Variants in RPS24 observed in about 807,000 individuals in gnomAD.
RPS24 encodes the protein small ribosomal subunit protein eS24.
For missense variants in RPS24, 100 were observed against 162.5 expected, an observed-to-expected ratio of 0.62 and a Z score of 2.09; for synonymous variants, 72 against 55.6, an observed-to-expected ratio of 1.30 and a Z score of -1.31.
At chr10:78,048,039 C>T (rs1172290749) in intron 4 of RPS24, among the ~76,000 whole-genome samples, 1 of 152,198 alleles carries the variant, frequency 6.6e-6, no homozygotes, top group East Asian at 1.9e-4. Flanking sequence ...GTCAACATCT[C>T]TTTCCACTAT....
chr10:78,054,388 C>A (rs1848130142), intron 4 of RPS24: 1 of 780,094 alleles, frequency 1.3e-6, no homozygotes. Context: ...GCCCTTCCTT[C>A]AAGCTTTGGC....
At chr10:78,037,472 G>A (rs1847897474) in intron 4 of RPS24, 168 bp downstream of exon 4, 1 of 1,145,928 alleles carries the variant, frequency 8.7e-7, no homozygotes, top group Non-Finnish European at 1.2e-6. Context: ...ATGTAGCATA[G>A]TGTCTTAACA....
chr10:78,038,006 T>C (rs1564629619), intron 4 of RPS24: 1 of 1,271,598 alleles, frequency 7.9e-7, no homozygotes, highest in Non-Finnish European at 1.0e-6. Flanking sequence ...AAGCACGGTG[T>C]GGGGATGCAT....
At chr10:78,049,836 G>A (rs1216842072) in intron 4 of RPS24, among the ~76,000 whole-genome samples, 2 of 152,202 alleles carry the variant, frequency 1.3e-5, no homozygotes, top group African/African-American at 4.8e-5. Flanking sequence ...CTGGGACTTA[G>A]TCTCCTGCAA....
At chr10:78,034,111 T>A (rs1393931966) in intron 1 of RPS24, 11 of 472,544 alleles carry the variant, frequency 2.3e-5, no homozygotes, top group Non-Finnish European at 4.4e-5. Context: ...ACGCTGGGCT[T>A]CGGGCTCCAG....
intron 4 of RPS24, chr10:78,037,973 T>A: frequency 2.3e-6 from 3 of 1,279,816 alleles, no homozygotes; most frequent in Non-Finnish European, 2.0e-6. Context: ...AGAAATGAAG[T>A]GTCTAGCAGG....
exon 5 of RPS24, chr10:78,054,905 A>C (rs1333428381): frequency 1.3e-6 from 2 of 1,536,992 alleles, no homozygotes; most frequent in Non-Finnish European, 1.8e-6. Flanking sequence ...TGACTCTGTC[A>C]CCCCACATCC....
chr10:78,042,879 C>T (rs918762757), downstream of RPS24, among the ~76,000 whole-genome samples: 1 of 152,206 alleles, frequency 6.6e-6, no homozygotes, highest in Non-Finnish European at 1.5e-5. Flanking sequence ...TCCTTTCTTC[C>T]CTGGCAAGTT....
At chr10:78,038,754 C>G (rs1367424420) in intron 4 of RPS24, 2 of 152,078 alleles carry the variant, frequency 1.3e-5, no homozygotes, top group Non-Finnish European at 2.9e-5. Flanking sequence ...ATTCTCCCAC[C>G]TCAGCCTCCC....
chr10:78,053,186 C>CAAAAA lies in RPS24; in HGVS notation c.391-1336_391-1332dup, dbSNP rs57899265. On this transcript the variant is annotated intron_variant, in intron 4 of 4. Transcript: ENST00000440692. ...CAAACAAAAACAACAACAACAACAACAAAAAAAAAAAAAGAAAAGAAAAAA... is the reference window on the plus strand; with the variant it reads ...CAAACAAAAACAACAACAACAACAACAAAAAAAAAAAAAAAAAAGAAAAGAAAAAA... Among the ~76,000 whole-genome samples, 11 of 140,982 alleles carry CAAAAA rather than the reference C, an allele frequency of 7.8e-5. No individual in the cohort carries two copies. In the South Asian group the frequency reaches 9.1e-4, roughly 12 times the overall value. 92.5% of individuals were successfully genotyped at this position (140,982 alleles called of 152,430 possible).
rs1028848117 is a variant in RPS24 at position 78,050,408 on chromosome 10, A to G, written c.391-4123A>G. On this transcript the variant is annotated intron_variant, in intron 4 of 4. Coordinates refer to the RPS24 transcript ENST00000440692. ...GGCAGGAGGGCTGCTGATGTATCCAATGCAGCCACCACTCCCACCGCTGAG... is the reference window on the plus strand; with the variant it reads ...GGCAGGAGGGCTGCTGATGTATCCAGTGCAGCCACCACTCCCACCGCTGAG... Among the ~76,000 whole-genome samples the G allele has an allele frequency of 6.6e-5, 10 of 152,228 alleles. No individual in the cohort carries two copies. The South Asian group carries it at 8.3e-4, about 13-fold the overall frequency.
At chr10:78,047,738 C>T (rs1206737382) in intron 4 of RPS24, among the ~76,000 whole-genome samples, 2 of 152,204 alleles carry the variant, frequency 1.3e-5, no homozygotes, top group African/African-American at 2.4e-5. Context: ...CAGCATTCCC[C>T]CTTTTGTAGC....
chr10:78,054,558 G>A (rs1237713250), exon 5 of RPS24: 6 of 1,546,388 alleles, frequency 3.9e-6, no homozygotes, highest in Admixed American at 3.9e-5. Flanking sequence ...TGGAGTGCAA[G>A]CATTGGGAAG....
In RPS24 at chr10:78,033,931, A is replaced by G. The variant is rs772074962; in HGVS notation, c.3+27A>G. ...TGAGTCTCCCTGGGCCCGTGCAGTC[A>G]TCTGCCGCGTATCCGAGCCATCCGT... is the stretch of plus-strand genomic sequence containing the variant. On this transcript the variant is annotated intron_variant, in intron 1 of 5. Coordinates refer to ENST00000372360, the MANE Select transcript of RPS24 (RefSeq NM_033022.4). 10 of 1,613,808 alleles carry G rather than the reference A, an allele frequency of 6.2e-6. No individual in the cohort carries two copies. The African/African-American group carries it at 8.0e-5, about 13-fold the overall frequency.
At chr10:78,054,604 A>C (rs1848132049) in exon 5 of RPS24, 1 of 1,551,548 alleles carries the variant, frequency 6.4e-7, no homozygotes, top group Non-Finnish European at 8.7e-7. Flanking sequence ...GATGTGAAGA[A>C]CTCGAAGGCA....
chr10:78,054,534 A>T, exon 5 of RPS24: 1 of 1,534,918 alleles, frequency 6.5e-7, no homozygotes, highest in Middle Eastern at 1.7e-4. Context: ...TTTGCAGATG[A>T]GGGAATTGGG....
chr10:78,040,011 GA>G (rs1389383980), intron 4 of RPS24, 192 bp from the exon 5 acceptor site: 15 of 678,928 alleles, frequency 2.2e-5, no homozygotes, highest in Middle Eastern at 6.0e-4. Flanking sequence ...GGCATTGTCA[GA>G]ATTGGGAGGA....
intron 3 of RPS24, chr10:78,036,427 TC>T (rs1589327515): frequency 3.9e-5 from 6 of 154,328 alleles, no homozygotes; most frequent in South Asian, 4.0e-4. Context: ...TGCCTGAGCT[TC>T]CTGAGTAGCT....
chr10:78,043,745 CAAG>C (rs571699653), downstream of RPS24, among the ~76,000 whole-genome samples: 14 of 152,236 alleles, frequency 9.2e-5, no homozygotes, highest in South Asian at 2.1e-3. Context: ...AATTGAGAGC[CAAG>C]AAGATCAGTG....
Sources: allele counts gnomAD v4.1 joint callset (sites outside exome capture counted in the v4.1 genomes callset), GRCh38; gene constraint gnomAD v4.1.1; transcripts MANE v1.5; gene names NCBI Gene and HGNC (gene_info 2026-07-23, HGNC 2026-07-21).